SAMD4A: variants seen among roughly 807,000 people sequenced by gnomAD.
SAMD4A encodes sterile alpha motif domain containing 4A.
Under a neutral mutation model 81.3 loss-of-function variants are expected in SAMD4A, and 33 were observed. The ratio of observed to expected loss-of-function variants is 0.41; its 90% CI spans 0.31 to 0.54. SAMD4A has a LOEUF of 0.54. SAMD4A is among the 20% of genes least tolerant of loss of function. The pLI is 0.37. For synonymous variants in SAMD4A, 389 were observed against 382.1 expected (o/e 1.02, Z -0.21); for missense variants, 854 against 951.1 (o/e 0.90, Z 1.34).
chr14:54,710,558 A>T (rs932531764), intron 3 of SAMD4A, among the ~76,000 whole-genome samples: 4 of 152,088 alleles, frequency 2.6e-5, no homozygotes, highest in African/African-American at 9.7e-5. Context: ...CTCCCTCCTA[A>T]TCCTATCCTC....
chr14:54,691,714 G>T (rs1324465730), intron 2 of SAMD4A, among the ~76,000 whole-genome samples: 1 of 152,308 alleles, frequency 6.6e-6, no homozygotes, highest in East Asian at 1.9e-4. Context: ...GCGGCTGGAG[G>T]GGAAGCAGGA....
Position 54,568,032 on chromosome 14 carries a change from G to C in SAMD4A, c.116G>C (p.Arg39Pro). Reference sequence around the variant, plus strand: ...AAGCGCGTGAGCCAGACCCAGGCCCGCTTCCTCCAGCTCTGCCTGGAGCAC... The same window carrying C: ...AAGCGCGTGAGCCAGACCCAGGCCCCCTTCCTCCAGCTCTGCCTGGAGCAC... ...LLKRVSQTQA[R>P]FLQLCLEHSL... Residue 39 changes from arginine to proline, a missense_variant, in exon 2 of 13, where the codon CGC (arginine) becomes CCC (proline). Coordinates refer to ENST00000554335, the MANE Select transcript of SAMD4A (RefSeq NM_015589.6). The C allele has an allele frequency of 6.2e-7, 1 of 1,603,518 alleles. No homozygotes were observed. The highest frequency in any genetic ancestry group is 8.5e-7 in the Non-Finnish European group (1 of 1,179,000).
Position 54,776,559 on chromosome 14 carries a change from T to C in SAMD4A, c.2044+19T>C, listed in dbSNP as rs2038855200. ...CAGCCAGGTAGGGCCCGGCGCTTCA[T>C]GTCCCCTTGACACAGAGGGGAGGCC... On this transcript the variant is annotated intron_variant, in intron 11 of 12. Transcript: ENST00000554335. The C allele has an allele frequency of 1.3e-6, 2 of 1,546,038 alleles. No homozygotes were observed.
intron 7 of SAMD4A, among the ~76,000 whole-genome samples, chr14:54,761,413 A>G (rs2038394197): frequency 6.6e-6 from 1 of 152,236 alleles, no homozygotes; most frequent in East Asian, 1.9e-4. Flanking sequence ...ATCCAAACCT[A>G]AAGAGTCACG....
rs954008025 is a variant in SAMD4A at position 54,634,218 on chromosome 14, A to G, written c.196+66106A>G. Among the ~76,000 whole-genome samples the G allele has an allele frequency of 5.4e-4, 74 of 135,914 alleles. 1 individual carries two copies. The highest frequency in any genetic ancestry group is 1.9e-3 in the African/African-American group (68 of 36,202). The allele number at this position is 135,914 out of a possible 152,430, so 89.2% of individuals were successfully genotyped here. A position where few individuals can be genotyped will look rare whatever the true frequency, so the allele number is the denominator to read the frequency against. On this transcript the variant is annotated intron_variant, in intron 2 of 12. Transcript: ENST00000554335. ...GGAAAATTGCTTGAACCTGGGAGGC[A>G]GAGGTTGCAGTGAGCCCAGATCATG...
At chr14:54,778,161 A>AT (rs2038908225) in intron 11 of SAMD4A, among the ~76,000 whole-genome samples, 1 of 151,800 alleles carries the variant, frequency 6.6e-6, no homozygotes, top group African/African-American at 2.4e-5. Flanking sequence ...GGCCTTCTTG[A>AT]TTTTTTCCCT....
At chr14:54,640,473 C>T (rs913346396) in intron 2 of SAMD4A, among the ~76,000 whole-genome samples, 8 of 152,180 alleles carry the variant, frequency 5.3e-5, no homozygotes, top group African/African-American at 1.7e-4. Context: ...GGACTCACTG[C>T]GGGGGAAACC....
chr14:54,568,171 G>A, intron 2 of SAMD4A, 59 bp downstream of exon 2: 1 of 1,270,390 alleles, frequency 7.9e-7, no homozygotes, highest in East Asian at 3.3e-5. Context: ...TCCTCCCTCC[G>A]CTTCTCTGCC....
chr14:54,754,965 A>G, intron 6 of SAMD4A: 1 of 460,802 alleles, frequency 2.2e-6, no homozygotes, highest in Non-Finnish European at 2.9e-6. Context: ...ATATGGCACC[A>G]TATGATCTCA....
At chr14:54,709,805 C>G (rs2036945815) in intron 3 of SAMD4A, among the ~76,000 whole-genome samples, 1 of 152,162 alleles carries the variant, frequency 6.6e-6, no homozygotes, top group Admixed American at 6.5e-5. Flanking sequence ...ATTAGCATCT[C>G]TAGGTTTGCT....
At position 54,776,352 on chromosome 14, in the gene SAMD4A, G is replaced by C; in HGVS notation, c.1918-62G>C. 4 of 1,513,152 alleles carry C rather than the reference G, an allele frequency of 2.6e-6. No individual in the cohort carries two copies. The Admixed American group carries it at 9.9e-5, about 37-fold the overall frequency. The allele number at this position is 1,513,152 out of a possible 1,614,324, so 93.7% of individuals were successfully genotyped here. A position where few individuals can be genotyped will look rare whatever the true frequency, so the allele number is the denominator to read the frequency against. On this transcript the variant is annotated intron_variant, in intron 10 of 12. Coordinates refer to ENST00000554335, the MANE Select transcript of SAMD4A (RefSeq NM_015589.6). Reference sequence around the variant, plus strand: ...CTTTGCCTCCCAAATTCTTGCTGGCGGCTCTGCTCTCCACCCCAGTGGGGC... The same window carrying C: ...CTTTGCCTCCCAAATTCTTGCTGGCCGCTCTGCTCTCCACCCCAGTGGGGC...
chr14:54,741,092 G>T (rs907329501), intron 4 of SAMD4A, among the ~76,000 whole-genome samples: 2 of 152,148 alleles, frequency 1.3e-5, no homozygotes, highest in African/African-American at 4.8e-5. Flanking sequence ...ATCCAGTTGT[G>T]TTTGTTCATT....
At position 54,760,326 on chromosome 14, in the gene SAMD4A, C is replaced by G. The variant is rs758336092; in HGVS notation, c.1342C>G (p.Pro448Ala). 1 of 1,605,212 alleles carries G rather than the reference C, an allele frequency of 6.2e-7. No individual in the cohort carries two copies. The highest frequency in any genetic ancestry group is 8.5e-7 in the Non-Finnish European group (1 of 1,178,052). Residue 448 changes from proline (P) to alanine (A), a missense_variant, in exon 7 of 13, where the codon CCC becomes GCC. Pro to Ala is a conservative substitution (Grantham distance 27). This residue lies in a region of SAMD4A where 428 missense variants were observed against 471.2 expected (regional missense o/e 0.91). Transcript: ENST00000554335. Reference protein sequence around the residue: ...PSLMGPESQSPDCKDGAAATG... With the variant: ...PSLMGPESQSADCKDGAAATG... ...ACTGATGGGCCCCGAGAGCCAGAGC[C>G]CCGACTGCAAAGATGGGGCCGCAGC...
At chr14:54,592,148 T>C (rs2033795050) in intron 2 of SAMD4A, among the ~76,000 whole-genome samples, 1 of 151,996 alleles carries the variant, frequency 6.6e-6, no homozygotes, top group Non-Finnish European at 1.5e-5. Context: ...CCACCATAGC[T>C]CTGTGACTTT....
intron 11 of SAMD4A, among the ~76,000 whole-genome samples, 165 bp downstream of exon 11, chr14:54,776,705 G>A (rs1217495029): frequency 6.6e-6 from 1 of 152,248 alleles, no homozygotes; most frequent in Non-Finnish European, 1.5e-5. Flanking sequence ...ATGAATAGCG[G>A]CGGCTTGGCT....
chr14:54,756,687 T>C (rs749013979), intron 6 of SAMD4A, among the ~76,000 whole-genome samples: 34 of 152,288 alleles, frequency 2.2e-4, no homozygotes, highest in Admixed American at 1.6e-3. Context: ...AAGGGAAGGA[T>C]GGAGCTAGAG....
Position 54,661,940 on chromosome 14 carries a change from G to GA in SAMD4A, c.197-40111dup, listed in dbSNP as rs34567888. ...AAAGCAGTGCTTTATCCACTATCTG[G>GA]AAAAAAAAAAATATGTTGAGCAGGT... On this transcript the variant is annotated intron_variant, in intron 2 of 12. Coordinates refer to ENST00000554335, the MANE Select transcript of SAMD4A (RefSeq NM_015589.6). Among the ~76,000 whole-genome samples the GA allele has an allele frequency of 3.5e-3, 518 of 147,644 alleles. 5 individuals are homozygous for GA. The highest frequency in any genetic ancestry group is 0.02 in the South Asian group (93 of 4,658).
intron 2 of SAMD4A, among the ~76,000 whole-genome samples, chr14:54,691,159 C>G (rs1322124846): frequency 1.3e-5 from 2 of 152,182 alleles, no homozygotes; most frequent in Non-Finnish European, 2.9e-5. Context: ...TCTGCTCCCC[C>G]TTACCTTTCC....
intron 2 of SAMD4A, among the ~76,000 whole-genome samples, chr14:54,677,934 T>C (rs2036027203): frequency 6.6e-6 from 1 of 152,246 alleles, no homozygotes; most frequent in South Asian, 2.1e-4. Flanking sequence ...CATTCATTCA[T>C]TCTGTCTGTC....
Sources: allele counts gnomAD v4.1 joint callset (sites outside exome capture counted in the v4.1 genomes callset), GRCh38; gene constraint gnomAD v4.1.1; regional missense constraint gnomAD v4.1.1; transcripts MANE v1.5; gene names NCBI Gene and HGNC (gene_info 2026-07-23, HGNC 2026-07-21).